Variants in QTMAN observed in about 807,000 individuals in gnomAD.
QTMAN encodes the protein queuosine-tRNA mannosyltransferase, also known as tRNA-queuosine alpha-mannosyltransferase.
At chr2:143,976,987 G>A in the QTMAN span, among the ~76,000 whole-genome samples, 2 of 152,158 alleles carry the variant, frequency 1.3e-5, no homozygotes, top group Non-Finnish European at 2.9e-5. Context: ...TGCAACCTCA[G>A]TTTCTTCATC....
the QTMAN span, among the ~76,000 whole-genome samples, chr2:144,092,261 C>T: frequency 4.4e-4 from 67 of 151,608 alleles, no homozygotes; most frequent in Non-Finnish European, 8.4e-4. Flanking sequence ...CTGCAAGCTC[C>T]GCCTCCCAGG....
the QTMAN span, among the ~76,000 whole-genome samples, chr2:144,051,888 T>A: frequency 6.6e-6 from 1 of 152,200 alleles, no homozygotes; most frequent in Non-Finnish European, 1.5e-5. Flanking sequence ...TTTGCTAAAG[T>A]GGAAGATGGA....
the QTMAN span, among the ~76,000 whole-genome samples, chr2:144,018,724 C>A: frequency 6.6e-6 from 1 of 152,132 alleles, no homozygotes; most frequent in Non-Finnish European, 1.5e-5. Context: ...AACAGTCATT[C>A]CTCATTCAAC....
chr2:144,183,994 G>GC, the QTMAN span, among the ~76,000 whole-genome samples: 1 of 152,158 alleles, frequency 6.6e-6, no homozygotes, highest in Non-Finnish European at 1.5e-5. Context: ...GCGTGATTGA[G>GC]CGGCAATACG....
At chr2:144,331,956 C>G in the QTMAN span, among the ~76,000 whole-genome samples, 3 of 152,318 alleles carry the variant, frequency 2.0e-5, no homozygotes, top group East Asian at 3.9e-4. Context: ...GGCCAAGCGC[C>G]GGGCAGCCTG....
At chr2:144,236,912 A>G in the QTMAN span, among the ~76,000 whole-genome samples, 1 of 152,102 alleles carries the variant, frequency 6.6e-6, no homozygotes, top group Non-Finnish European at 1.5e-5. Flanking sequence ...TATAAGAAAA[A>G]GGCTGAAAAG....
chr2:144,182,792 TATATATTATATATATA>T, the QTMAN span, among the ~76,000 whole-genome samples: 2 of 25,726 alleles, frequency 7.8e-5, no homozygotes, highest in Admixed American at 5.7e-4. Flanking sequence ...ACATTATATA[TATATATTATATATATA>T]ATATATATAT....
the QTMAN span, chr2:144,141,983 A>C: frequency 4.3e-6 from 7 of 1,610,548 alleles, no homozygotes; most frequent in East Asian, 1.3e-4. Flanking sequence ...TCAGCTTCAT[A>C]AATTTTCCCA....
chr2:144,164,852 G>A, the QTMAN span, among the ~76,000 whole-genome samples: 2 of 152,176 alleles, frequency 1.3e-5, no homozygotes, highest in Non-Finnish European at 2.9e-5. Context: ...AAATTATACA[G>A]ACTGCCTTTG....
the QTMAN span, among the ~76,000 whole-genome samples, chr2:144,116,564 G>C: frequency 6.6e-6 from 1 of 152,102 alleles, no homozygotes; most frequent in Non-Finnish European, 1.5e-5. Context: ...AGGACCAGTG[G>C]ACTGCCATAC....
the QTMAN span, chr2:143,941,278 GAGTGTA>G: frequency 6.6e-6 from 1 of 152,248 alleles, no homozygotes; most frequent in African/African-American, 2.4e-5. Flanking sequence ...GAATTCAGCA[GAGTGTA>G]AGACCACAGG....
the QTMAN span, among the ~76,000 whole-genome samples, chr2:144,119,335 T>A: frequency 6.6e-6 from 1 of 152,224 alleles, no homozygotes; most frequent in African/African-American, 2.4e-5. Context: ...TATGAGGAAC[T>A]ATTGCCTTTC....
At chr2:144,294,034 C>T in the QTMAN span, among the ~76,000 whole-genome samples, 1 of 152,230 alleles carries the variant, frequency 6.6e-6, no homozygotes, top group South Asian at 2.1e-4. Flanking sequence ...CTTTGGCTTA[C>T]CTTGCTTACT....
At chr2:143,989,844 T>C in the QTMAN span, among the ~76,000 whole-genome samples, 1 of 152,124 alleles carries the variant, frequency 6.6e-6, no homozygotes, top group African/African-American at 2.4e-5. Flanking sequence ...CATGGAGTGG[T>C]GGTGCTCTCC....
At chr2:144,138,712 A>C in the QTMAN span, among the ~76,000 whole-genome samples, 1 of 152,104 alleles carries the variant, frequency 6.6e-6, no homozygotes, top group Admixed American at 6.6e-5. Context: ...GTATCAATAA[A>C]TTAAAGTTGT....
the QTMAN span, among the ~76,000 whole-genome samples, chr2:144,143,380 T>C: frequency 6.6e-6 from 1 of 152,092 alleles, no homozygotes; most frequent in South Asian, 2.1e-4. Context: ...TAAGTAGAGC[T>C]TATAGAATAG....
the QTMAN span, among the ~76,000 whole-genome samples, chr2:144,057,073 T>C: frequency 1.3e-5 from 2 of 152,192 alleles, no homozygotes; most frequent in African/African-American, 4.8e-5. Context: ...TAATAATGGC[T>C]CTAAAGTACC....
At chr2:144,038,360 G>A in the QTMAN span, among the ~76,000 whole-genome samples, 4 of 149,664 alleles carry the variant, frequency 2.7e-5, no homozygotes, top group Non-Finnish European at 5.9e-5. Flanking sequence ...TATTACATAT[G>A]TGTGTTATAT....
chr2:144,314,267 GT>G, the QTMAN span, among the ~76,000 whole-genome samples: 1 of 152,136 alleles, frequency 6.6e-6, no homozygotes, highest in African/African-American at 2.4e-5. Context: ...AAAACATTAT[GT>G]TGAGGAAAAG....
Sources: allele counts gnomAD v4.1 joint callset (sites outside exome capture counted in the v4.1 genomes callset), GRCh38; gene constraint gnomAD v4.1.1; transcripts MANE v1.5; gene names NCBI Gene and HGNC (gene_info 2026-07-23, HGNC 2026-07-21).